WASHC4: variants seen among roughly 807,000 people sequenced by gnomAD.
WASHC4 encodes the protein WASH complex subunit 7.
In WASHC4, 86 loss-of-function variants were observed where a neutral mutation model predicts 166.6. The observed-to-expected ratio is 0.52, with a 90% confidence interval of 0.43 to 0.62. The LOEUF (loss-of-function observed/expected upper bound fraction) is 0.62. Among genes scored for constraint, WASHC4 ranks in the 20% least tolerant of loss-of-function variants. WASHC4 has a pLI of 0.00. For synonymous variants in WASHC4, 446 were observed against 451.6 expected (o/e 0.99, Z 0.16); for missense variants, 1,262 against 1,382.4 (o/e 0.91, Z 1.38).
intron 7 of WASHC4, among the ~76,000 whole-genome samples, chr12:105,118,802 T>C (rs1565995800): frequency 6.6e-6 from 1 of 152,166 alleles, no homozygotes; most frequent in African/African-American, 2.4e-5. Context: ...AATTAGTACA[T>C]GTTCTGTGTT....
intron 13 of WASHC4, among the ~76,000 whole-genome samples, chr12:105,128,382 T>G (rs926831104): frequency 6.6e-6 from 1 of 152,186 alleles, no homozygotes; most frequent in Non-Finnish European, 1.5e-5. Context: ...TCCATTTGAG[T>G]AGCAGTAAGT....
At chr12:105,122,771 A>T (rs1432204374) in intron 10 of WASHC4, among the ~76,000 whole-genome samples, 1 of 152,102 alleles carries the variant, frequency 6.6e-6, no homozygotes, top group Non-Finnish European at 1.5e-5. Flanking sequence ...GGGTGCTACA[A>T]ATAGTGCCCC....
At chr12:105,122,053 T>G in intron 9 of WASHC4, 65 bp from the exon 10 acceptor site, 1 of 1,254,634 alleles carries the variant, frequency 8.0e-7, no homozygotes, top group Non-Finnish European at 1.1e-6. Context: ...TCCAGGAAAA[T>G]TTTTAATTTT....
chr12:105,131,378 G>T (rs1341300717), intron 13 of WASHC4, among the ~76,000 whole-genome samples: 1 of 152,134 alleles, frequency 6.6e-6, no homozygotes, highest in Non-Finnish European at 1.5e-5. Flanking sequence ...GAGCCACCGC[G>T]CCCGGCCTGT....
At chr12:105,133,441 A>G (rs1882039559) in intron 13 of WASHC4, among the ~76,000 whole-genome samples, 2 of 152,062 alleles carry the variant, frequency 1.3e-5, no homozygotes, top group South Asian at 4.1e-4. Context: ...TTTCTTCTGT[A>G]GTATGTATCT....
At chr12:105,115,802 C>T (rs1880128096) in intron 6 of WASHC4, 74 bp downstream of exon 6, 1 of 916,894 alleles carries the variant, frequency 1.1e-6, no homozygotes, top group Non-Finnish European at 1.8e-6. Context: ...GTAAAAAGTT[C>T]TGAAACCTTC....
intron 13 of WASHC4, among the ~76,000 whole-genome samples, chr12:105,131,483 A>G (rs970197062): frequency 3.3e-5 from 5 of 152,234 alleles, no homozygotes; most frequent in African/African-American, 7.2e-5. Context: ...GCATTATCCT[A>G]TAGCCTTACC....
intron 1 of WASHC4, 27 bp downstream of exon 1, chr12:105,107,888 CG>C: frequency 6.6e-7 from 1 of 1,512,276 alleles, no homozygotes; most frequent in Non-Finnish European, 9.0e-7. Flanking sequence ...GCGAGGGCTG[CG>C]GGTGGACGCT....
intron 29 of WASHC4, among the ~76,000 whole-genome samples, chr12:105,161,245 A>T (rs1308354002): frequency 1.3e-5 from 2 of 152,208 alleles, no homozygotes; most frequent in Admixed American, 1.3e-4. Context: ...AAAGTAGCTA[A>T]TAGCCTATAA....
chr12:105,138,871 G>C (rs1882549833), intron 15 of WASHC4, among the ~76,000 whole-genome samples: 1 of 152,032 alleles, frequency 6.6e-6, no homozygotes, highest in South Asian at 2.1e-4. Context: ...AATAACCACT[G>C]TCCCACTTAA....
At chr12:105,148,262 A>T in intron 24 of WASHC4, 1 of 985,338 alleles carries the variant, frequency 1.0e-6, no homozygotes. Context: ...ATGAAGAGTC[A>T]TCCATGTAAT....
Position 105,118,509 on chromosome 12 carries a change from G to A in WASHC4, c.499G>A (p.Ala167Thr), listed in dbSNP as rs1880403532. 1.9e-6 allele frequency: 3 copies of A among 1,607,928 alleles called. No individual in the cohort carries two copies. The South Asian group carries it at 3.3e-5, about 18-fold the overall frequency. Residue 167 changes from alanine (A) to threonine (T), a missense_variant, in exon 7 of 33, where the codon GCC becomes ACC. By Grantham distance (58) the Ala-to-Thr change is moderately conservative. Coordinates refer to ENST00000332180, the MANE Select transcript of WASHC4 (RefSeq NM_015275.3). The part of the protein sequence containing the change: ...VVMNVVHQLA[A>T]LYISNKIAPK... ...GATGAACGTAGTCCACCAGTTGGCT[G>A]CCCTCTATATCAGTAACAAGTAATG...
Position 105,144,852 on chromosome 12 carries a change from C to A in WASHC4, c.2314C>A (p.Pro772Thr), listed in dbSNP as rs1566019154. ...ACTGGTTATGACAGAGGCACATCTTCCCAGTCAGACTTTGGAACAGGTATA... is the reference window on the plus strand; with the variant it reads ...ACTGGTTATGACAGAGGCACATCTTACCAGTCAGACTTTGGAACAGGTATA... Reference protein sequence around the residue: ...YGLVMTEAHLPSQTLEQGLDV... With the variant: ...YGLVMTEAHLTSQTLEQGLDV... The change falls in exon 22 of 33, where the codon CCC becomes ACC. Residue 772 changes from proline (P) to threonine (T), a missense_variant. Transcript: ENST00000332180. 6.2e-7 allele frequency: 1 copy of A among 1,613,012 alleles called. No homozygotes were observed.
intron 10 of WASHC4, 34 bp downstream of exon 10, chr12:105,122,272 GC>G (rs781590770): frequency 5.0e-6 from 8 of 1,602,662 alleles, no homozygotes; most frequent in East Asian, 4.5e-5. Flanking sequence ...TAACAGTGGG[GC>G]TCATATTAGA....
chr12:105,143,264 GA>G (rs1226458793), intron 20 of WASHC4, 21 bp downstream of exon 20: 1 of 1,322,614 alleles, frequency 7.6e-7, no homozygotes, highest in South Asian at 1.2e-5. Flanking sequence ...ATTTGAGATT[GA>G]AAAGCTTAAA....
rs542418173 is a variant in WASHC4, at chr12:105,144,495, T to C, written c.2179+40T>C. The C allele has an allele frequency of 9.4e-5, 81 of 861,186 alleles. No homozygotes were observed. The East Asian group carries it at 1.3e-3, about 14-fold the overall frequency. The allele number at this position is 861,186 out of a possible 1,614,324, so 53.3% of individuals were successfully genotyped here. ...TTCCTTCTTAGAGTCATATTCTCTT[T>C]TTTTTTTTTTTTTACCCTACTGTTA... On this transcript the variant is annotated intron_variant, in intron 21 of 32. Coordinates refer to ENST00000332180, the MANE Select transcript of WASHC4 (RefSeq NM_015275.3).
At position 105,107,798 on chromosome 12, in the gene WASHC4, G is replaced by C; in HGVS notation, c.-3G>C. On this transcript the variant is annotated 5_prime_UTR_variant, in exon 1 of 33. Transcript: ENST00000332180. ...GGCTGTGTCTGTGGGAGGCGCCGGG[G>C]TGATGGCGGTGGAGACTCTGTCCCC... 2 of 1,550,318 alleles carry C rather than the reference G, an allele frequency of 1.3e-6. No individual in the cohort carries two copies. The highest frequency in any genetic ancestry group is 1.4e-5 in the African/African-American group (1 of 73,140).
rs762448579 is a variant in WASHC4, at chr12:105,164,087, C to T, written c.3158-24C>T. Reference sequence around the variant, plus strand: ...CACTTCTGTACTCACTGTAATTTAACCTTAGTTTTGCTTATGCCTGCAGGT... The same window carrying T: ...CACTTCTGTACTCACTGTAATTTAATCTTAGTTTTGCTTATGCCTGCAGGT... On this transcript the variant is annotated intron_variant, in intron 30 of 32. Coordinates refer to ENST00000332180, the MANE Select transcript of WASHC4 (RefSeq NM_015275.3). 19 of 1,610,356 alleles carry T rather than the reference C, an allele frequency of 1.2e-5. No homozygotes were observed. In the East Asian group the frequency reaches 3.8e-4, roughly 32 times the overall value.
rs1880701377 is a variant in WASHC4 at position 105,121,125 on chromosome 12, C to T, written c.586C>T (p.Leu196=). Residue 196 remains leucine, a synonymous_variant, in exon 9 of 33, where the codon CTG becomes TTG. Transcript: ENST00000332180. Reference sequence around the variant, plus strand: ...GACTATGTATGAGCACTTGGGAGAACTGCTAACAGTTTTGCTCACCCTGGA... The same window carrying T: ...GACTATGTATGAGCACTTGGGAGAATTGCTAACAGTTTTGCTCACCCTGGA... ...FQTMYEHLGE[L]LTVLLTLDEI... 6.2e-7 allele frequency: 1 copy of T among 1,612,552 alleles called. No individual in the cohort carries two copies. The highest frequency in any genetic ancestry group is 2.2e-5 in the East Asian group (1 of 44,780).
Sources: allele counts gnomAD v4.1 joint callset (sites outside exome capture counted in the v4.1 genomes callset), GRCh38; gene constraint gnomAD v4.1.1; transcripts MANE v1.5; gene names NCBI Gene and HGNC (gene_info 2026-07-23, HGNC 2026-07-21).